CD109: variants seen among roughly 807,000 people sequenced by gnomAD.
The protein encoded by CD109 is CD109 antigen.
Under a neutral mutation model 165.8 loss-of-function variants are expected in CD109, and 149 were observed. The ratio of observed to expected loss-of-function variants is 0.90; its 90% confidence interval spans 0.79 to 1.03. The LOEUF (loss-of-function observed/expected upper bound fraction) is 1.03. Among genes scored for constraint, CD109 ranks in the 50% least tolerant of loss-of-function variants. CD109 has a pLI of 0.00. For synonymous variants in CD109, 585 were observed against 592.1 expected (o/e 0.99, Z 0.18); for missense variants, 1,712 against 1,677.8 (o/e 1.02, Z -0.36).
chr6:73,769,541 A>G (rs1773966133), intron 14 of CD109, among the ~76,000 whole-genome samples: 1 of 152,262 alleles, frequency 6.6e-6, no homozygotes. Flanking sequence ...ATTTGCAACT[A>G]TATATCTTTC....
intron 2 of CD109, among the ~76,000 whole-genome samples, chr6:73,707,962 TTATATATATATATA>T (rs200081535): frequency 0.062 from 7,864 of 126,522 alleles, 353 homozygotes; most frequent in South Asian, 0.1. Context: ...ATTGTTATCT[TTATATATATATATA>T]TATATATATA....
At chr6:73,777,013 G>T in intron 15 of CD109, among the ~76,000 whole-genome samples, 1 of 80,860 alleles carries the variant, frequency 1.2e-5, no homozygotes, top group Non-Finnish European at 2.4e-5. Context: ...TTGAGATGGA[G>T]TTTCCCCCTT....
chr6:73,684,426 G>T, the CD109 span, among the ~76,000 whole-genome samples: 4 of 151,844 alleles, frequency 2.6e-5, no homozygotes, highest in South Asian at 2.1e-4. Flanking sequence ...TTGCCATGTT[G>T]TTCAGGCTGG....
chr6:73,768,281 T>C (rs1773922121), intron 14 of CD109, 50 bp downstream of exon 14: 1 of 1,105,674 alleles, frequency 9.0e-7, no homozygotes, highest in African/African-American at 1.6e-5. Context: ...ATTAGTGAAG[T>C]CTGAGAAATG....
intron 22 of CD109, 83 bp from the exon 23 acceptor site, chr6:73,792,543 G>C: frequency 8.6e-7 from 1 of 1,166,350 alleles, no homozygotes; most frequent in Non-Finnish European, 1.3e-6. Flanking sequence ...GAGGTCTTCT[G>C]TACTCAGTGG....
Position 73,696,299 on chromosome 6 carries a change from T to TGG in CD109, c.74+12_74+13dup. 1.3e-6 allele frequency: 2 copies of TGG among 1,496,454 alleles called. No homozygotes were observed. Among genetic ancestry groups the TGG allele is most frequent in the Non-Finnish European group, 1.8e-6 (2 of 1,131,998 alleles). The allele number at this position is 1,496,454 out of a possible 1,614,324, so 92.7% of individuals were successfully genotyped here. A position where few individuals can be genotyped will look rare whatever the true frequency, so the allele number is the denominator to read the frequency against. ...TGGCCGTGGCTCCCGGGTAGGAACGTGGGCGCGCGGGGGGCGCGCGGGCGC... is the reference window on the plus strand; with the variant it reads ...TGGCCGTGGCTCCCGGGTAGGAACGTGGGGGCGCGCGGGGGGCGCGCGGGCGC... On this transcript the variant is annotated intron_variant, in intron 1 of 32. Coordinates refer to ENST00000287097, the MANE Select transcript of CD109 (RefSeq NM_133493.5).
chr6:73,703,542 A>G (rs1402693750), intron 2 of CD109, among the ~76,000 whole-genome samples: 1 of 152,198 alleles, frequency 6.6e-6, no homozygotes, highest in Non-Finnish European at 1.5e-5. Context: ...AGTTTCCCAA[A>G]TTTGCAGTCC....
At chr6:73,719,870 ATCC>A (rs1475709844) in intron 2 of CD109, among the ~76,000 whole-genome samples, 2 of 152,206 alleles carry the variant, frequency 1.3e-5, no homozygotes, top group African/African-American at 2.4e-5. Context: ...TTGCTGAAAT[ATCC>A]TAGGGCTTTT....
chr6:73,784,403 T>C (rs998126891), intron 19 of CD109, among the ~76,000 whole-genome samples: 26 of 152,136 alleles, frequency 1.7e-4, no homozygotes, highest in African/African-American at 6.0e-4. Flanking sequence ...GAAATTGGAA[T>C]TAGATTGTAA....
intron 3 of CD109, among the ~76,000 whole-genome samples, chr6:73,727,798 C>T (rs562040565): frequency 1.5e-4 from 23 of 152,240 alleles, no homozygotes; most frequent in Admixed American, 6.5e-4. Context: ...ATTTAGAAAT[C>T]GATGCCATTT....
intron 15 of CD109, among the ~76,000 whole-genome samples, chr6:73,777,294 T>C (rs1447563512): frequency 2.0e-5 from 3 of 152,012 alleles, no homozygotes; most frequent in Admixed American, 6.6e-5. Flanking sequence ...TTTTTTCTTG[T>C]AAATTTGTTT....
rs1389088247 is a variant in CD109 at position 73,825,223 on chromosome 6, C to T, written c.*1590C>T. 2 of 152,080 alleles carry T rather than the reference C, an allele frequency of 1.3e-5. No individual in the cohort carries two copies. Among genetic ancestry groups the T allele is most frequent in the African/African-American group, 2.4e-5 (1 of 41,396 alleles). 9.4% of individuals were successfully genotyped at this position (152,080 alleles called of 1,614,324 possible). ...GCAAACCTGTACATAGAAAATAGAT[C>T]CCCAGACAGTGGTCTATGAAGAGGG... On this transcript the variant is annotated 3_prime_UTR_variant, in exon 33 of 33. Coordinates refer to ENST00000287097, the MANE Select transcript of CD109 (RefSeq NM_133493.5).
intron 20 of CD109, among the ~76,000 whole-genome samples, 175 bp from the exon 21 acceptor site, chr6:73,787,059 A>T (rs1774723738): frequency 6.6e-6 from 1 of 152,182 alleles, no homozygotes; most frequent in African/African-American, 2.4e-5. Context: ...AAAGCATAGA[A>T]AAGAAATGAA....
chr6:73,687,531 T>C, the CD109 span, among the ~76,000 whole-genome samples: 3 of 149,768 alleles, frequency 2.0e-5, no homozygotes, highest in Admixed American at 2.0e-4. Flanking sequence ...TAATTGTCCT[T>C]CATGGAAACA....
At chr6:73,788,746 A>G in intron 22 of CD109, 134 bp downstream of exon 22, 1 of 696,600 alleles carries the variant, frequency 1.4e-6, no homozygotes, top group Non-Finnish European at 2.3e-6. Context: ...TGGGCCCAAC[A>G]ACTCATTATA....
chr6:73,741,552 G>C (rs13195592), intron 5 of CD109, among the ~76,000 whole-genome samples: 1,915 of 152,296 alleles, frequency 0.013, 12 homozygotes, highest in Middle Eastern at 0.024. Context: ...TTAAAAGTTA[G>C]ACATTCCTTT....
rs764544520 is a variant in CD109, at chr6:73,792,616, G to T, written c.2702-10G>T. On this transcript the variant is annotated splice_polypyrimidine_tract_variant and intron_variant, in intron 22 of 32. Coordinates refer to ENST00000287097, the MANE Select transcript of CD109 (RefSeq NM_133493.5). ...ATTTACTGAATGAACTGCATGTCTT[G>T]TGCTTCCAGGAGATGTTCTTGGTCC... 6.2e-7 allele frequency: 1 copy of T among 1,611,810 alleles called. No homozygotes were observed. Among genetic ancestry groups the T allele is most frequent in the Non-Finnish European group, 8.5e-7 (1 of 1,179,722 alleles).
chr6:73,818,910 C>T (rs1426126937), intron 31 of CD109, among the ~76,000 whole-genome samples: 2 of 152,228 alleles, frequency 1.3e-5, no homozygotes, highest in East Asian at 1.9e-4. Flanking sequence ...TAGCTCACTG[C>T]AACCTCCAAC....
chr6:73,712,543 A>T (rs188954546), intron 2 of CD109, among the ~76,000 whole-genome samples: 41 of 152,254 alleles, frequency 2.7e-4, no homozygotes, highest in Admixed American at 6.5e-4. Flanking sequence ...CTTCCCTTCA[A>T]TGATTTTCCA....
Sources: gnomAD v4.1 joint callset for allele counts (sites outside exome capture counted in the v4.1 genomes callset) on GRCh38, gnomAD v4.1.1 for gene constraint, MANE v1.5 for transcripts, NCBI Gene and HGNC (gene_info 2026-07-23, HGNC 2026-07-21) for gene names.